ATP13A4: variants seen among roughly 807,000 people sequenced by gnomAD.
ATP13A4 encodes ATPase 13A4, also known as probable cation-transporting ATPase 13A4.
In ATP13A4, 114 loss-of-function variants were observed where a neutral mutation model predicts 142.5. That is an observed-to-expected ratio of 0.80 (90% CI 0.69 to 0.93). The LOEUF is 0.93. Ranked by LOEUF, ATP13A4 falls within the 40% of genes least tolerant of loss-of-function variation. The pLI, the probability that ATP13A4 is intolerant of heterozygous loss-of-function variation, is 0.00. For missense variants in ATP13A4, 1,392 were observed against 1,454.0 expected (o/e 0.96, Z 0.69); for synonymous variants, 488 against 514.8 (o/e 0.95, Z 0.70).
At chr3:193,546,234 A>G (rs1723215499) in intron 1 of ATP13A4, among the ~76,000 whole-genome samples, 1 of 152,196 alleles carries the variant, frequency 6.6e-6, no homozygotes, top group African/African-American at 2.4e-5. Context: ...AATAGTATCA[A>G]GGAACTGAAA....
At position 193,467,156 on chromosome 3, in the gene ATP13A4, A is replaced by G. The variant is rs890992613; in HGVS notation, c.1114+160T>C. ...TGTGTCAAAACATCTCAGGTATCCC[A>G]TAAGTATATACACAGCTACTATATA... On this transcript the variant is annotated intron_variant, in intron 10 of 29. Transcript: ENST00000342695. 2.6e-5 allele frequency among the ~76,000 whole-genome samples: 4 copies of G among 152,210 alleles called. No individual in the cohort carries two copies. The South Asian group carries it at 6.2e-4, about 24-fold the overall frequency.
At chr3:193,579,303 T>C in intron 2 of ATP13A4, 1 of 192,178 alleles carries the variant, frequency 5.2e-6, no homozygotes, top group South Asian at 1.1e-4. Context: ...TTTTCAGTGG[T>C]TCTTTCTTGA....
intron 23 of ATP13A4, among the ~76,000 whole-genome samples, chr3:193,437,726 T>C (rs1716370893): frequency 6.6e-6 from 1 of 151,900 alleles, no homozygotes. Context: ...ATGCTCACTA[T>C]CTCTATCATT....
At chr3:193,413,407 A>G (rs1414837735) in intron 26 of ATP13A4, among the ~76,000 whole-genome samples, 3 of 152,184 alleles carry the variant, frequency 2.0e-5, no homozygotes, top group Non-Finnish European at 4.4e-5. Flanking sequence ...AAAGAACAGA[A>G]TAACAGCAAT....
At chr3:193,417,154 T>A (rs1046925379) in intron 25 of ATP13A4, 10 of 152,102 alleles carry the variant, frequency 6.6e-5, no homozygotes, top group Admixed American at 5.9e-4. Flanking sequence ...GAGGGAGAAA[T>A]TAAGACATCC....
At chr3:193,546,582 C>T (rs1723240111) in intron 1 of ATP13A4, among the ~76,000 whole-genome samples, 1 of 152,190 alleles carries the variant, frequency 6.6e-6, no homozygotes, top group South Asian at 2.1e-4. Context: ...AGGTGAAGTG[C>T]TGCATGGTTG....
At chr3:193,586,277 G>C (rs1446896471) in intron 1 of ATP13A4, among the ~76,000 whole-genome samples, 1 of 152,022 alleles carries the variant, frequency 6.6e-6, no homozygotes, top group Non-Finnish European at 1.5e-5. Flanking sequence ...CTTCCAATTT[G>C]AGGTTTGCCT....
At chr3:193,424,878 T>A (rs893610913) in intron 25 of ATP13A4, among the ~76,000 whole-genome samples, 1 of 149,284 alleles carries the variant, frequency 6.7e-6, no homozygotes, top group East Asian at 2.1e-4. Flanking sequence ...GTTAACAGAT[T>A]GAAGAGACAA....
chr3:193,468,262 G>A (rs1444925537), intron 9 of ATP13A4, among the ~76,000 whole-genome samples: 1 of 152,158 alleles, frequency 6.6e-6, no homozygotes, highest in Admixed American at 6.5e-5. Context: ...CTTTAATCAG[G>A]AGAGTAATAT....
At chr3:193,586,589 C>T (rs1032688414) in intron 1 of ATP13A4, among the ~76,000 whole-genome samples, 11 of 152,080 alleles carry the variant, frequency 7.2e-5, no homozygotes, top group African/African-American at 2.4e-4. Context: ...TAGGGATATC[C>T]AGTTGTTCCA....
At chr3:193,452,022 T>A (rs1157842492) in intron 17 of ATP13A4, among the ~76,000 whole-genome samples, 1 of 152,192 alleles carries the variant, frequency 6.6e-6, no homozygotes. Context: ...AACCAGGACA[T>A]GTCCTCTCCT....
chr3:193,448,766 G>A (rs1241916165), intron 17 of ATP13A4, among the ~76,000 whole-genome samples: 3 of 152,200 alleles, frequency 2.0e-5, no homozygotes, highest in African/African-American at 4.8e-5. Flanking sequence ...GAACAGAAGC[G>A]GACACAAAGG....
chr3:193,401,741 A>C lies in ATP13A4; in HGVS notation c.*911T>G, dbSNP rs1714267573. Reference sequence around the variant, plus strand: ...ATGGAAACAGCAGAGTGTTAAAGCCAAGTGTGGGGACCTTCTAAGCATGGG... The same window carrying C: ...ATGGAAACAGCAGAGTGTTAAAGCCCAGTGTGGGGACCTTCTAAGCATGGG... On this transcript the variant is annotated 3_prime_UTR_variant, in exon 30 of 30. Coordinates refer to ENST00000342695, the MANE Select transcript of ATP13A4 (RefSeq NM_032279.4). 6.6e-6 allele frequency among the ~76,000 whole-genome samples: 1 copy of C among 152,216 alleles called. No individual in the cohort carries two copies. Among genetic ancestry groups the C allele is most frequent in the Non-Finnish European group, 1.5e-5 (1 of 68,032 alleles).
intron 17 of ATP13A4, among the ~76,000 whole-genome samples, chr3:193,449,082 A>G (rs1248693091): frequency 6.6e-6 from 1 of 152,236 alleles, no homozygotes; most frequent in African/African-American, 2.4e-5. Context: ...CATAATCTCA[A>G]CAAACAGGCC....
chr3:193,573,308 C>CGTATATATATATATATTCTTAT lies in ATP13A4; in HGVS notation n.291+8398_291+8399insATAAGAATATATATATATATAC, dbSNP rs1229145689. ...ATATATACACATATATATATATATA[C>CGTATATATATATATATTCTTAT]ATATATATATATATATATAATTTGT... is the stretch of plus-strand genomic sequence containing the variant. On this transcript the variant is annotated intron_variant and non_coding_transcript_variant, in intron 2 of 3. Coordinates refer to the ATP13A4 transcript ENST00000489140. 4.1e-4 allele frequency among the ~76,000 whole-genome samples: 42 copies of CGTATATATATATATATTCTTAT among 103,652 alleles called. 2 individuals are homozygous for CGTATATATATATATATTCTTAT. Among genetic ancestry groups the CGTATATATATATATATTCTTAT allele is most frequent in the African/African-American group, 8.5e-4 (18 of 21,174 alleles). 68.0% of individuals were successfully genotyped at this position (103,652 alleles called of 152,430 possible). A position where few individuals can be genotyped will look rare whatever the true frequency, so the allele number is the denominator to read the frequency against.
In ATP13A4 at chr3:193,400,985, A is replaced by G. The variant is rs763073343; in HGVS notation, c.*1667T>C. Among the ~76,000 whole-genome samples, 2 of 152,218 alleles carry G rather than the reference A, an allele frequency of 1.3e-5. No individual in the cohort carries two copies. The highest frequency in any genetic ancestry group is 2.9e-5 in the Non-Finnish European group (2 of 68,038). On this transcript the variant is annotated 3_prime_UTR_variant, in exon 30 of 30. Coordinates refer to ENST00000342695, the MANE Select transcript of ATP13A4 (RefSeq NM_032279.4). ...AGTGATTCTGCAGTCTTGAAACACTAAAATATCTTCACGCCCTATTTTAAA... is the reference window on the plus strand; with the variant it reads ...AGTGATTCTGCAGTCTTGAAACACTGAAATATCTTCACGCCCTATTTTAAA...
chr3:193,500,277 A>T (rs1720467576), intron 3 of ATP13A4, among the ~76,000 whole-genome samples: 1 of 152,122 alleles, frequency 6.6e-6, no homozygotes, highest in Non-Finnish European at 1.5e-5. Context: ...TTGTTAGAAC[A>T]TGTTATAAGA....
intron 11 of ATP13A4, among the ~76,000 whole-genome samples, chr3:193,465,539 TG>T (rs917977183): frequency 3.2e-4 from 49 of 152,216 alleles, no homozygotes; most frequent in African/African-American, 1.2e-3. Flanking sequence ...ATGATATCAG[TG>T]GGTTAAAGGC....
In ATP13A4 at chr3:193,584,169, A is replaced by C. The variant is rs184106740; in HGVS notation, n.92-2263T>G. On this transcript the variant is annotated intron_variant and non_coding_transcript_variant, in intron 1 of 3. Coordinates refer to the ATP13A4 transcript ENST00000489140. ...AAGTTTGCTGACCAGTTGACCCTAG[A>C]ATAGGAAGATTATCCTCGATTATCT... Among the ~76,000 whole-genome samples, 610 of 152,302 alleles carry C rather than the reference A, an allele frequency of 4.0e-3. 3 individuals carry two copies. The highest frequency in any genetic ancestry group is 4.1e-3 in the Admixed American group (63 of 15,298).
Sources: gnomAD v4.1 joint callset for allele counts (sites outside exome capture counted in the v4.1 genomes callset) on GRCh38, gnomAD v4.1.1 for gene constraint, MANE v1.5 for transcripts, NCBI Gene and HGNC (gene_info 2026-07-23, HGNC 2026-07-21) for gene names.